TMEM47: variants seen among roughly 807,000 people sequenced by gnomAD.
TMEM47 encodes transmembrane protein 47, also known as brain cell membrane protein 1.
In TMEM47, 3 loss-of-function variants were observed where a neutral mutation model predicts 12.4. The observed-to-expected ratio is 0.24, with a 90% CI of 0.11 to 0.63. TMEM47 has a LOEUF of 0.63. Among genes scored for constraint, TMEM47 ranks in the 20% least tolerant of loss-of-function variants. The pLI is 0.86. For missense variants in TMEM47, 89 were observed against 143.8 expected, an observed-to-expected ratio of 0.62 and a Z score of 1.95; for synonymous variants, 62 against 63.3, an observed-to-expected ratio of 0.98 and a Z score of 0.10.
intron 1 of TMEM47, among the ~76,000 whole-genome samples, chrX:34,639,789 T>C (rs776317140): frequency 4.9e-4 from 55 of 111,644 alleles, no homozygotes; most frequent in Non-Finnish European, 8.5e-4. Flanking sequence ...ACCATCCAGA[T>C]TAAAATACAG....
intron 1 of TMEM47, among the ~76,000 whole-genome samples, chrX:34,644,497 T>C (rs1290416771): frequency 8.9e-6 from 1 of 112,074 alleles, no homozygotes; most frequent in Admixed American, 9.5e-5. Flanking sequence ...TTCGATATTT[T>C]TGAGCCAAGG....
intron 1 of TMEM47, among the ~76,000 whole-genome samples, chrX:34,646,564 T>C (rs1452076202): frequency 8.9e-6 from 1 of 112,086 alleles, no homozygotes; most frequent in Non-Finnish European, 1.9e-5. Flanking sequence ...TTGTGATGAC[T>C]TTGGTATTTT....
At chrX:34,631,356 C>G (rs1301898918) in intron 2 of TMEM47, among the ~76,000 whole-genome samples, 1 of 110,051 alleles carries the variant, frequency 9.1e-6, no homozygotes, top group African/African-American at 3.3e-5. Flanking sequence ...ACTAACTCAG[C>G]CCAATATGCC....
At chrX:34,640,199 T>C (rs1921791330) in intron 1 of TMEM47, among the ~76,000 whole-genome samples, 1 of 111,659 alleles carries the variant, frequency 9.0e-6, no homozygotes, top group African/African-American at 3.3e-5. Flanking sequence ...GTTTCTAAAA[T>C]TAAGTATTCC....
chrX:34,639,498 T>C, intron 1 of TMEM47, 111 bp from the exon 2 acceptor site: 1 of 755,286 alleles, frequency 1.3e-6, no homozygotes, highest in Non-Finnish European at 1.9e-6. Context: ...TTTTACTGCA[T>C]GCTAAGCATC....
chrX:34,646,198 GA>G (rs200220766), intron 1 of TMEM47, among the ~76,000 whole-genome samples: 1 of 108,537 alleles, frequency 9.2e-6, no homozygotes, highest in African/African-American at 3.3e-5. Context: ...GTTGATGTTA[GA>G]AAAAAAAACA....
At position 34,657,166 on chromosome X, in the gene TMEM47, G is replaced by T. The variant is rs1381221390; in HGVS notation, c.-137C>A. On this transcript the variant is annotated 5_prime_UTR_variant, in exon 1 of 3. Transcript: ENST00000275954. ...GACTCGCTCCCTCGGGGCTCTGCGCGCCCCCTGCCGCGCGGCCAAGGTGGG... is the reference window on the plus strand; with the variant it reads ...GACTCGCTCCCTCGGGGCTCTGCGCTCCCCCTGCCGCGCGGCCAAGGTGGG... 1 of 952,935 alleles carries T rather than the reference G, an allele frequency of 1.0e-6. No individual in the cohort carries two copies. Among genetic ancestry groups the T allele is most frequent in the Non-Finnish European group, 1.3e-6 (1 of 757,524 alleles). 78.5% of individuals were successfully genotyped at this position (952,935 alleles called of 1,213,427 possible). A position where few individuals can be genotyped will look rare whatever the true frequency, so the allele number is the denominator to read the frequency against.
intron 1 of TMEM47, among the ~76,000 whole-genome samples, chrX:34,654,092 T>C (rs1922063364): frequency 1.8e-5 from 2 of 111,743 alleles, no homozygotes; most frequent in South Asian, 7.4e-4. Context: ...TACTTTTGCT[T>C]AAAATCATAA....
chrX:34,641,099 A>AAC lies in TMEM47; in HGVS notation c.227-1713_227-1712insGT, dbSNP rs1453868415. Among the ~76,000 whole-genome samples the AAC allele has an allele frequency of 2.2e-4, 23 of 103,969 alleles. 1 individual carries two copies. In the East Asian group the frequency reaches 6.8e-3, roughly 31 times the overall value. The allele number at this position is 103,969 out of a possible 115,157, so 90.3% of individuals were successfully genotyped here. A position where few individuals can be genotyped will look rare whatever the true frequency, so the allele number is the denominator to read the frequency against. ...CATGTAGCTTTGAATTAAAAAGCCAAAAAAAAAAAAATAGTCCTTACATTT... is the reference window on the plus strand; with the variant it reads ...CATGTAGCTTTGAATTAAAAAGCCAAACAAAAAAAAAAATAGTCCTTACATTT... On this transcript the variant is annotated intron_variant, in intron 1 of 2. Coordinates refer to ENST00000275954, the MANE Select transcript of TMEM47 (RefSeq NM_031442.4).
intron 2 of TMEM47, among the ~76,000 whole-genome samples, chrX:34,632,283 T>C (rs1220575219): frequency 8.9e-6 from 1 of 112,167 alleles, no homozygotes; most frequent in Non-Finnish European, 1.9e-5. Flanking sequence ...TAAAACTATA[T>C]ACATAAATAG....
In TMEM47 at chrX:34,629,305, G is replaced by C. The variant is rs781140513; in HGVS notation, c.*1008C>G. On this transcript the variant is annotated 3_prime_UTR_variant, in exon 3 of 3. Transcript: ENST00000275954. ...TTCCAGTGAAACAGTAAAGAACATA[G>C]AGCAAAAGCTTTAAGGTACCATACT... 1.1e-4 allele frequency: 12 copies of C among 111,226 alleles called. No individual in the cohort carries two copies. The highest frequency in any genetic ancestry group is 4.7e-3 in the Middle Eastern group (1 of 215). 9.2% of individuals were successfully genotyped at this position (111,226 alleles called of 1,213,427 possible).
rs924418690 is a variant in TMEM47 at position 34,628,022 on chromosome X, C to T, written c.*2291G>A. On this transcript the variant is annotated 3_prime_UTR_variant, in exon 3 of 3. Transcript: ENST00000275954. ...CAGTAAACTGCAAATATGTGTGCTT[C>T]AACCTATAACATATTCTGTCACTTT... The T allele has an allele frequency of 9.0e-6, 1 of 111,661 alleles. No individual in the cohort carries two copies. Among genetic ancestry groups the T allele is most frequent in the African/African-American group, 3.3e-5 (1 of 30,658 alleles). 9.2% of individuals were successfully genotyped at this position (111,661 alleles called of 1,213,427 possible). A position where few individuals can be genotyped will look rare whatever the true frequency, so the allele number is the denominator to read the frequency against.
intron 1 of TMEM47, among the ~76,000 whole-genome samples, chrX:34,645,849 AT>A (rs1374737748): frequency 8.9e-6 from 1 of 112,226 alleles, no homozygotes; most frequent in African/African-American, 3.2e-5. Context: ...TATAAATACT[AT>A]GTGTGTTGTG....
At chrX:34,644,872 T>C (rs1225062378) in intron 1 of TMEM47, among the ~76,000 whole-genome samples, 1 of 111,678 alleles carries the variant, frequency 9.0e-6, no homozygotes, top group Non-Finnish European at 1.9e-5. Context: ...AGACTGGCAC[T>C]TGTATTTTCA....
At chrX:34,647,339 A>AT (rs915108371) in intron 1 of TMEM47, among the ~76,000 whole-genome samples, 36 of 111,460 alleles carry the variant, frequency 3.2e-4, no homozygotes, top group East Asian at 2.8e-4. Context: ...CTCGACTTCT[A>AT]TTTTTTTAAC....
chrX:34,644,917 T>C (rs1300803885), intron 1 of TMEM47, among the ~76,000 whole-genome samples: 3 of 111,784 alleles, frequency 2.7e-5, no homozygotes, highest in African/African-American at 9.7e-5. Context: ...TTATATTAAC[T>C]AAAATGATAT....
At chrX:34,643,296 A>T (rs951058302) in intron 1 of TMEM47, among the ~76,000 whole-genome samples, 1 of 111,012 alleles carries the variant, frequency 9.0e-6, no homozygotes, top group South Asian at 3.9e-4. Context: ...ATATTTACTT[A>T]CCATCCGAAG....
Position 34,635,241 on chromosome X carries a change from G to A in TMEM47, c.367+4006C>T, listed in dbSNP as rs150392474. Among the ~76,000 whole-genome samples, 4 of 111,844 alleles carry A rather than the reference G, an allele frequency of 3.6e-5. No homozygotes were observed. In the East Asian group the frequency reaches 1.1e-3, roughly 32 times the overall value. ...CTGAATGAGATTATTCTCGAGGTGC[G>A]TGTTCTACACCGGTTTTTAAAGTTT... On this transcript the variant is annotated intron_variant, in intron 2 of 2. Coordinates refer to ENST00000275954, the MANE Select transcript of TMEM47 (RefSeq NM_031442.4).
intron 1 of TMEM47, among the ~76,000 whole-genome samples, chrX:34,645,730 A>G (rs1477816532): frequency 8.9e-6 from 1 of 112,008 alleles, no homozygotes; most frequent in African/African-American, 3.2e-5. Context: ...TAAAACTGGT[A>G]TCAAAACTAT....
Sources: gnomAD v4.1 joint callset for allele counts (sites outside exome capture counted in the v4.1 genomes callset) on GRCh38, gnomAD v4.1.1 for gene constraint, MANE v1.5 for transcripts, NCBI Gene and HGNC (gene_info 2026-07-23, HGNC 2026-07-21) for gene names.